Variants in ANK3 observed in about 807,000 individuals in gnomAD.
ANK3 encodes the protein ankyrin-3.
In ANK3, 57 loss-of-function variants were observed where a neutral mutation model predicts 370.9. That is an observed-to-expected ratio of 0.15 (90% CI 0.12 to 0.19). The LOEUF is 0.19. Ranked by LOEUF, ANK3 falls within the 10% of genes least tolerant of loss-of-function variation. ANK3 has a pLI of 1.00. For synonymous variants in ANK3, 1,929 were observed against 1,946.3 expected, an observed-to-expected ratio of 0.99 and a Z score of 0.23; for missense variants, 4,439 against 5,302.1, an observed-to-expected ratio of 0.84 and a Z score of 5.06.
intron 7 of ANK3, among the ~76,000 whole-genome samples, chr10:60,248,724 A>C (rs72820468): frequency 1.3e-5 from 2 of 152,342 alleles, no homozygotes; most frequent in Non-Finnish European, 2.9e-5. Flanking sequence ...CAGAGGAGCA[A>C]AGTGAAGCTG....
chr10:60,432,737 A>G (rs922525196), intron 2 of ANK3, among the ~76,000 whole-genome samples: 1 of 152,226 alleles, frequency 6.6e-6, no homozygotes, highest in Non-Finnish European at 1.5e-5. Context: ...GAGGCCCAGC[A>G]TGGGTACAGG....
At position 60,028,706 on chromosome 10, in the gene ANK3, C is replaced by T. The variant is rs2131823243; in HGVS notation, c.*1140G>A. ...AATTTTACAGCGTGCTGCCATTCTA[C>T]TAGCTAAGGATTTCTGTTCAGTCCT... On this transcript the variant is annotated 3_prime_UTR_variant, in exon 44 of 44. Coordinates refer to ENST00000280772, the MANE Select transcript of ANK3 (RefSeq NM_020987.5). The T allele has an allele frequency of 6.5e-6, 1 of 152,714 alleles. No homozygotes were observed. Among genetic ancestry groups the T allele is most frequent in the East Asian group, 1.9e-4 (1 of 5,180 alleles). 9.5% of individuals were successfully genotyped at this position (152,714 alleles called of 1,614,324 possible).
chr10:60,225,916 T>G lies in ANK3; in HGVS notation c.897+8772A>C, dbSNP rs568889448. ...TCTGATTTTTTTAGTTAATTTTTTT[T>G]GGGGGGATAGTTGTTTTATAAATTA... On this transcript the variant is annotated intron_variant, in intron 8 of 43. Transcript: ENST00000280772. Among the ~76,000 whole-genome samples the G allele has an allele frequency of 5.6e-4, 84 of 150,942 alleles. No homozygotes were observed. In the East Asian group the frequency reaches 6.0e-3, roughly 11 times the overall value.
At chr10:60,454,236 G>A (rs969194932) in intron 2 of ANK3, among the ~76,000 whole-genome samples, 6 of 152,242 alleles carry the variant, frequency 3.9e-5, no homozygotes, top group South Asian at 2.1e-4. Context: ...TTTTGATAAC[G>A]TCGTTCTGTC....
chr10:60,069,346 T>C lies in ANK3; in HGVS notation c.11535A>G (p.Lys3845=). The part of the protein sequence containing the change: ...LQGHCVRDKQ[K]VLGEQQKTKE... ...TTGTTTTTTGCTGTTCTCCAAGAAC[T>C]TTCTGCTTATCTCTTACACAGTGTC... is the stretch of plus-strand genomic sequence containing the variant. The change falls in exon 37 of 44, where the codon AAA becomes AAG. Residue 3845 remains lysine (K), a synonymous_variant. Transcript: ENST00000280772. The C allele has an allele frequency of 6.2e-7, 1 of 1,614,174 alleles. No individual in the cohort carries two copies. Among genetic ancestry groups the C allele is most frequent in the Non-Finnish European group, 8.5e-7 (1 of 1,180,034 alleles).
chr10:60,637,346 T>G (rs1176340930), intron 1 of ANK3, among the ~76,000 whole-genome samples: 4 of 152,140 alleles, frequency 2.6e-5, no homozygotes, highest in African/African-American at 9.7e-5. Context: ...GGACGTTGCA[T>G]AGCAATTGCA....
At chr10:60,160,295 G>A (rs2095465084) in intron 23 of ANK3, among the ~76,000 whole-genome samples, 1 of 151,854 alleles carries the variant, frequency 6.6e-6, no homozygotes, top group Non-Finnish European at 1.5e-5. Context: ...CAATAAATTG[G>A]GAAACCTGTC....
chr10:60,551,090 C>A (rs1038791184), intron 2 of ANK3, among the ~76,000 whole-genome samples: 7 of 152,068 alleles, frequency 4.6e-5, no homozygotes, highest in Non-Finnish European at 8.8e-5. Flanking sequence ...ATATATCACA[C>A]AATAAAGTGC....
chr10:60,563,837 G>A (rs1210567696), intron 2 of ANK3, among the ~76,000 whole-genome samples: 2 of 152,028 alleles, frequency 1.3e-5, no homozygotes, highest in African/African-American at 4.8e-5. Flanking sequence ...AAAGCTTGAA[G>A]AAAATCTCCA....
In ANK3 at chr10:60,235,550, GTTTTTTTTTTTTTT is replaced by G. The variant is rs72388493; in HGVS notation, c.799-778_799-765del. Among the ~76,000 whole-genome samples the G allele has an allele frequency of 4.9e-3, 564 of 115,060 alleles. 9 individuals carry two copies. The highest frequency in any genetic ancestry group is 0.043 in the East Asian group (163 of 3,818). The allele number at this position is 115,060 out of a possible 152,430, so 75.5% of individuals were successfully genotyped here. A position where few individuals can be genotyped will look rare whatever the true frequency, so the allele number is the denominator to read the frequency against. The stretch of plus-strand genomic sequence containing the variant: ...ATCAAAAACAATTCCCTGATTTCTT[GTTTTTTTTTTTTTT>G]TTTTTTTTTTTTCTTTTTAAGTGAC... On this transcript the variant is annotated intron_variant, in intron 7 of 43. Coordinates refer to ENST00000280772, the MANE Select transcript of ANK3 (RefSeq NM_020987.5).
chr10:60,154,693 G>T (rs1218266481), intron 23 of ANK3, among the ~76,000 whole-genome samples: 1 of 152,146 alleles, frequency 6.6e-6, no homozygotes, highest in East Asian at 1.9e-4. Flanking sequence ...TACTCAGGAG[G>T]CTGAGGCAGG....
At chr10:60,130,639 T>C (rs907751254) in intron 25 of ANK3, among the ~76,000 whole-genome samples, 5 of 152,226 alleles carry the variant, frequency 3.3e-5, no homozygotes, top group African/African-American at 4.8e-5. Flanking sequence ...CAGAAACTAA[T>C]AATTTTGTCA....
chr10:60,318,340 C>T (rs2047911983), intron 1 of ANK3, among the ~76,000 whole-genome samples: 1 of 152,174 alleles, frequency 6.6e-6, no homozygotes, highest in Admixed American at 6.5e-5. Flanking sequence ...GTTCACAGTG[C>T]ATTTTCACTT....
At chr10:60,528,390 C>T (rs1211805158) in intron 2 of ANK3, among the ~76,000 whole-genome samples, 1 of 151,980 alleles carries the variant, frequency 6.6e-6, no homozygotes, top group Non-Finnish European at 1.5e-5. Context: ...CCCACCTTGG[C>T]CACCCAAAAT....
intron 38 of ANK3, among the ~76,000 whole-genome samples, chr10:60,066,802 T>C (rs1397108571): frequency 6.6e-6 from 1 of 152,162 alleles, no homozygotes; most frequent in Non-Finnish European, 1.5e-5. Context: ...ACTTAACCTA[T>C]AAAACTTAAA....
intron 2 of ANK3, among the ~76,000 whole-genome samples, chr10:60,414,456 G>A (rs989690983): frequency 1.4e-4 from 22 of 152,080 alleles, no homozygotes; most frequent in East Asian, 5.8e-4. Flanking sequence ...AACACAAGGC[G>A]TATCCACAAA....
At chr10:60,375,985 G>T (rs1473618928) in intron 1 of ANK3, among the ~76,000 whole-genome samples, 1 of 152,168 alleles carries the variant, frequency 6.6e-6, no homozygotes, top group Non-Finnish European at 1.5e-5. Flanking sequence ...GCCACTTCAT[G>T]TTCAATTTAA....
intron 1 of ANK3, among the ~76,000 whole-genome samples, chr10:60,341,737 T>G (rs985208061): frequency 1.8e-4 from 28 of 152,166 alleles, no homozygotes; most frequent in Admixed American, 5.9e-4. Flanking sequence ...GAGTGATTGG[T>G]TTTTGAATGA....
chr10:60,255,795 T>TA (rs922888375), intron 7 of ANK3, among the ~76,000 whole-genome samples: 81 of 151,962 alleles, frequency 5.3e-4, no homozygotes, highest in South Asian at 4.0e-3. Flanking sequence ...CTCTTGAGAA[T>TA]AAAAAAAAAT....
Sources: allele counts gnomAD v4.1 joint callset (sites outside exome capture counted in the v4.1 genomes callset), GRCh38; gene constraint gnomAD v4.1.1; transcripts MANE v1.5; gene names NCBI Gene and HGNC (gene_info 2026-07-23, HGNC 2026-07-21).